The following PER2 variants were observed in gnomAD, a reference collection of about 807,000 sequenced individuals.
The protein encoded by PER2 is period circadian protein homolog 2.
A neutral mutation model predicts 121.0 loss-of-function variants in PER2; 66 were observed. That is an observed-to-expected ratio of 0.55 (90% CI 0.45 to 0.67). PER2 has a LOEUF of 0.67. Ranked by LOEUF, PER2 falls within the 30% of genes least tolerant of loss-of-function variation. PER2 has a pLI of 0.00. For synonymous variants in PER2, 684 were observed against 659.9 expected (o/e 1.04, Z -0.56); for missense variants, 1,521 against 1,635.0 (o/e 0.93, Z 1.20).
intron 20 of PER2, 118 bp from the exon 21 acceptor site, chr2:238,250,861 G>A (rs770906869): frequency 2.3e-5 from 17 of 723,530 alleles, no homozygotes; most frequent in Non-Finnish European, 4.2e-5. Flanking sequence ...TTAGGTATTG[G>A]GTATCTATGC....
At chr2:238,267,049 TAAAAAAA>T (rs57177821) in intron 8 of PER2, among the ~76,000 whole-genome samples, 1 of 104,564 alleles carries the variant, frequency 9.6e-6, no homozygotes, top group Non-Finnish European at 2.0e-5. Flanking sequence ...CTCCATCTCT[TAAAAAAA>T]AAAAAAAAAA....
At chr2:238,256,264 T>C (rs986983253) in intron 17 of PER2, among the ~76,000 whole-genome samples, 4 of 152,090 alleles carry the variant, frequency 2.6e-5, no homozygotes, top group Non-Finnish European at 4.4e-5. Flanking sequence ...TTTCCGGGTT[T>C]GGGACCAGGC....
At chr2:238,287,468 T>C (rs1696822488) in intron 1 of PER2, among the ~76,000 whole-genome samples, 1 of 152,230 alleles carries the variant, frequency 6.6e-6, no homozygotes, top group African/African-American at 2.4e-5. Context: ...CTGTGCCATA[T>C]ACAGGTGAGA....
intron 9 of PER2, among the ~76,000 whole-genome samples, chr2:238,263,905 G>A (rs1407423830): frequency 1.3e-5 from 2 of 151,896 alleles, no homozygotes; most frequent in Non-Finnish European, 1.5e-5. Context: ...CCTGGCATCC[G>A]TCCCATCAAG....
At chr2:238,255,358 C>T (rs1160685424) in intron 18 of PER2, 2 of 493,656 alleles carry the variant, frequency 4.1e-6, no homozygotes, top group African/African-American at 1.9e-5. Context: ...GGGCCCCTGC[C>T]CACATGGTTA....
chr2:238,286,841 C>T (rs1020646478), intron 1 of PER2, among the ~76,000 whole-genome samples: 8 of 152,192 alleles, frequency 5.3e-5, no homozygotes, highest in Admixed American at 3.3e-4. Flanking sequence ...TCAGTGGGTA[C>T]GAGAAGTAGT....
chr2:238,296,954 C>T, the PER2 span, among the ~76,000 whole-genome samples: 1 of 152,224 alleles, frequency 6.6e-6, no homozygotes, highest in Non-Finnish European at 1.5e-5. Flanking sequence ...CAGGGCCCTC[C>T]TCGCGGGGGA....
chr2:238,299,686 A>G, the PER2 span: 1 of 152,278 alleles, frequency 6.6e-6, no homozygotes, highest in African/African-American at 2.4e-5. Flanking sequence ...GGCTATGGAC[A>G]ATTGAGTAGA....
chr2:238,265,774 T>C (rs1234510035), intron 8 of PER2, among the ~76,000 whole-genome samples, 184 bp from the exon 9 acceptor site: 1 of 152,234 alleles, frequency 6.6e-6, no homozygotes. Flanking sequence ...TGTGGGATCG[T>C]TGGCCAGCCT....
rs78325409 is a variant in PER2, at chr2:238,273,056, G to A, written c.570+14C>T. 1,210 of 1,613,844 alleles carry A rather than the reference G, an allele frequency of 7.5e-4. 3 individuals are homozygous for A. Among genetic ancestry groups the A allele is most frequent in the South Asian group, 2.1e-3 (191 of 91,082 alleles). ...CTGCCATTTTAGAAAGAAACTTTGC[G>A]GAAAGAGGCTTACGGCATTCTTCAC... On this transcript the variant is annotated intron_variant, in intron 5 of 22. Coordinates refer to ENST00000254657, the MANE Select transcript of PER2 (RefSeq NM_022817.3).
rs770121623 is a variant in PER2, at chr2:238,260,076, A to C, written c.1543-23T>G. ...TTCCTTGAAGAAAAACAAAATGAAC[A>C]CATTATTCATTCTAGGAGACCTCCT... On this transcript the variant is annotated intron_variant, in intron 13 of 22. Transcript: ENST00000254657. The C allele has an allele frequency of 1.0e-5, 11 of 1,071,762 alleles. No individual in the cohort carries two copies. In the Admixed American group the frequency reaches 2.1e-4, roughly 20 times the overall value. 66.4% of individuals were successfully genotyped at this position (1,071,762 alleles called of 1,614,324 possible). A position where few individuals can be genotyped will look rare whatever the true frequency, so the allele number is the denominator to read the frequency against.
chr2:238,297,845 A>G, the PER2 span, among the ~76,000 whole-genome samples: 1 of 152,130 alleles, frequency 6.6e-6, no homozygotes, highest in African/African-American at 2.4e-5. Flanking sequence ...AATCCAAGGC[A>G]TGGTTTCCCA....
chr2:238,296,013 A>G, the PER2 span, among the ~76,000 whole-genome samples: 1 of 151,816 alleles, frequency 6.6e-6, no homozygotes, highest in East Asian at 1.9e-4. Context: ...CCTGCTGCAG[A>G]GTCAGTCGTG....
Position 238,253,773 on chromosome 2 carries a change from A to G in PER2, c.2321-71T>C. 1 of 1,233,708 alleles carries G rather than the reference A, an allele frequency of 8.1e-7. No individual in the cohort carries two copies. Among genetic ancestry groups the G allele is most frequent in the Non-Finnish European group, 1.1e-6 (1 of 869,968 alleles). The allele number at this position is 1,233,708 out of a possible 1,614,324, so 76.4% of individuals were successfully genotyped here. On this transcript the variant is annotated intron_variant, in intron 18 of 22. Transcript: ENST00000254657. The surrounding 1 kb of genome is among the most constrained non-coding windows in gnomAD (Gnocchi z 5.6). The stretch of plus-strand genomic sequence containing the variant: ...ATTTGAAGACACCTCTTCGTTCAAC[A>G]GTCCTGGGTTTCCAAATGCTGGCCC...
chr2:238,284,165 T>A (rs1309405187), intron 1 of PER2, among the ~76,000 whole-genome samples: 2 of 152,114 alleles, frequency 1.3e-5, no homozygotes, highest in Non-Finnish European at 1.5e-5. Flanking sequence ...AGACGGCGGC[T>A]GGGCGCGGTG....
intron 20 of PER2, 109 bp from the exon 21 acceptor site, chr2:238,250,852 T>TAAGA: frequency 5.3e-6 from 4 of 759,060 alleles, no homozygotes; most frequent in Non-Finnish European, 9.2e-6. Flanking sequence ...AGTGCCTTCT[T>TAAGA]AGGTATTGGG....
At position 238,271,567 on chromosome 2, in the gene PER2, C is replaced by T; in HGVS notation, c.571-54G>A. ...CAAGGTCAGATGGTGTCGGACGCCA[C>T]ATCCGACTCAGGCAGGCAGGCTGGA... On this transcript the variant is annotated intron_variant, in intron 5 of 22. Transcript: ENST00000254657. 6 of 1,386,042 alleles carry T rather than the reference C, an allele frequency of 4.3e-6. No individual in the cohort carries two copies. The South Asian group carries it at 7.0e-5, about 16-fold the overall frequency. The allele number at this position is 1,386,042 out of a possible 1,614,324, so 85.9% of individuals were successfully genotyped here.
chr2:238,272,096 T>C (rs1359738434), intron 5 of PER2, among the ~76,000 whole-genome samples: 2 of 152,264 alleles, frequency 1.3e-5, no homozygotes, highest in Non-Finnish European at 2.9e-5. Context: ...TGTCTTTGAC[T>C]GCCAAGCTGC....
rs932508959 is a variant in PER2, at chr2:238,251,608, T to C, written c.3265A>G (p.Ser1089Gly). Residue 1089 changes from serine to glycine, a missense_variant, in exon 20 of 23, where the codon AGT becomes GGT. By Grantham distance (56) the Ser-to-Gly change is moderately conservative. Transcript: ENST00000254657. ...GCCAGGGCCAACATACCTGCCCCAC[T>C]CGGGGAGGCGTCGCAGCCCAGTGAG... is the stretch of plus-strand genomic sequence containing the variant. The part of the protein sequence containing the change: ...SGSLGCDASP[S>G]GAGSSDTSHT... 3 of 1,613,830 alleles carry C rather than the reference T, an allele frequency of 1.9e-6. No homozygotes were observed. Among genetic ancestry groups the C allele is most frequent in the Admixed American group, 1.7e-5 (1 of 59,994 alleles).
Sources: gnomAD v4.1 joint callset for allele counts (sites outside exome capture counted in the v4.1 genomes callset) on GRCh38, gnomAD v4.1.1 for gene constraint, Gnocchi (gnomAD v3.1) non-coding constraint, MANE v1.5 for transcripts, NCBI Gene and HGNC (gene_info 2026-07-23, HGNC 2026-07-21) for gene names.